Variants in MORC1 observed in about 807,000 individuals in gnomAD.
The protein encoded by MORC1 is MORC family CW-type zinc finger 1, also known as MORC family CW-type zinc finger protein 1.
MORC1 carries 59 observed loss-of-function variants against 134.9 expected under a neutral mutation model. The observed-to-expected ratio is 0.44, with a 90% confidence interval of 0.35 to 0.54. The LOEUF (loss-of-function observed/expected upper bound fraction) is 0.54, where lower values mean the gene tolerates loss of function less well. MORC1 is among the 20% of genes least tolerant of loss of function. The pLI is 0.00. For synonymous variants in MORC1, 395 were observed against 391.7 expected (o/e 1.01, Z -0.10); for missense variants, 947 against 1,134.5 (o/e 0.83, Z 2.37).
intron 2 of MORC1, among the ~76,000 whole-genome samples, chr3:109,111,111 T>C (rs1169961178): frequency 1.4e-5 from 2 of 147,768 alleles, no homozygotes; most frequent in Admixed American, 1.3e-4. Context: ...TCATGGAATG[T>C]TTTTCATATT....
In MORC1 at chr3:109,054,755, C is replaced by G; in HGVS notation, c.1303G>C (p.Val435Leu). The G allele has an allele frequency of 6.3e-7, 1 of 1,590,656 alleles. No individual in the cohort carries two copies. Among genetic ancestry groups the G allele is most frequent in the Non-Finnish European group, 8.5e-7 (1 of 1,174,062 alleles). The change falls in exon 14 of 28, where the codon GTC becomes CTC. Residue 435 changes from valine to leucine, a missense_variant. By Grantham distance (32) the Val-to-Leu change is conservative. Coordinates refer to ENST00000232603, the MANE Select transcript of MORC1 (RefSeq NM_014429.4). ...ATGCCGGTGTCCTTACAGTACTGGA[C>G]CAAGTACTGTCCCATGACTTTTAGT... The part of the protein sequence containing the change: ...HLLKVMGQYL[V>L]QYCKDTGINN...
intron 24 of MORC1, among the ~76,000 whole-genome samples, chr3:108,973,594 G>GTTTTTTTTT (rs1559863612): frequency 8.1e-6 from 1 of 123,396 alleles, no homozygotes. Flanking sequence ...GCTTTGTTTT[G>GTTTTTTTTT]GTTTTTTTTT....
chr3:108,985,370 T>C, intron 22 of MORC1, among the ~76,000 whole-genome samples: 1 of 152,210 alleles, frequency 6.6e-6, no homozygotes, highest in East Asian at 1.9e-4. Context: ...TTGGGGACAG[T>C]ATAAGCAATG....
At chr3:109,015,894 A>C (rs1413843734) in intron 17 of MORC1, among the ~76,000 whole-genome samples, 1 of 152,182 alleles carries the variant, frequency 6.6e-6, no homozygotes, top group Non-Finnish European at 1.5e-5. Context: ...TGGGGACAGA[A>C]GTGATTCCCA....
chr3:108,981,813 A>T (rs952076630), intron 23 of MORC1, among the ~76,000 whole-genome samples: 1 of 152,190 alleles, frequency 6.6e-6, no homozygotes, highest in Admixed American at 6.5e-5. Flanking sequence ...CTAGAAGAAA[A>T]CCTAGGCAAT....
intron 21 of MORC1, among the ~76,000 whole-genome samples, chr3:108,996,973 G>A (rs1036077302): frequency 3.2e-5 from 4 of 126,884 alleles, no homozygotes; most frequent in East Asian, 2.3e-4. Context: ...TCGCGCCACT[G>A]CACTCTAGCC....
At chr3:109,117,331 C>CAAAAAAA (rs202128565) in intron 1 of MORC1, among the ~76,000 whole-genome samples, 29 of 113,462 alleles carry the variant, frequency 2.6e-4, no homozygotes, top group Non-Finnish European at 4.0e-4. Context: ...CAAAAGATGT[C>CAAAAAAA]AAAAAAAAAA....
At chr3:108,987,967 A>G (rs908598655) in intron 21 of MORC1, among the ~76,000 whole-genome samples, 46 of 152,178 alleles carry the variant, frequency 3.0e-4, no homozygotes, top group Non-Finnish European at 6.2e-4. Flanking sequence ...ACTGATACGC[A>G]CGCAACCATG....
intron 9 of MORC1, among the ~76,000 whole-genome samples, chr3:109,067,426 T>C (rs1576703981): frequency 6.6e-6 from 1 of 152,148 alleles, no homozygotes; most frequent in Non-Finnish European, 1.5e-5. Flanking sequence ...TTTGTACACA[T>C]CTTGGGTGGG....
At chr3:109,095,280 G>A (rs948620737) in intron 6 of MORC1, among the ~76,000 whole-genome samples, 1 of 152,120 alleles carries the variant, frequency 6.6e-6, no homozygotes, top group Non-Finnish European at 1.5e-5. Context: ...TGGAATATGG[G>A]AACAGATGGA....
rs768098934 is a variant in MORC1 at position 109,000,662 on chromosome 3, T to C, written c.2086-4A>G. On this transcript the variant is annotated splice_region_variant and splice_polypyrimidine_tract_variant and intron_variant, in intron 20 of 27. Transcript: ENST00000232603. Reference sequence around the variant, plus strand: ...TTTTCATTTCCCAAGAAGCGGCCTATAACAAGGAATTAACAAAAAAAATAC... The same window carrying C: ...TTTTCATTTCCCAAGAAGCGGCCTACAACAAGGAATTAACAAAAAAAATAC... 2.5e-6 allele frequency: 4 copies of C among 1,603,930 alleles called. No homozygotes were observed. The Admixed American group carries it at 6.7e-5, about 27-fold the overall frequency.
At chr3:109,075,581 T>C (rs990042245) in intron 8 of MORC1, among the ~76,000 whole-genome samples, 1 of 152,228 alleles carries the variant, frequency 6.6e-6, no homozygotes, top group Non-Finnish European at 1.5e-5. Flanking sequence ...CCTGTTTTTG[T>C]CAGGTTTGTC....
intron 1 of MORC1, 29 bp from the exon 2 acceptor site, chr3:109,114,466 A>T: frequency 6.3e-7 from 1 of 1,590,884 alleles, no homozygotes; most frequent in Non-Finnish European, 8.6e-7. Flanking sequence ...GAAAACAAAA[A>T]GTTAAACCAG....
intron 12 of MORC1, among the ~76,000 whole-genome samples, chr3:109,058,975 A>C (rs1950021570): frequency 6.6e-6 from 1 of 152,040 alleles, no homozygotes; most frequent in Non-Finnish European, 1.5e-5. Flanking sequence ...ATTTCTAAAG[A>C]CCTTAGAGAG....
chr3:108,982,726 T>TA (rs72358419), intron 23 of MORC1, among the ~76,000 whole-genome samples: 25,926 of 116,746 alleles, frequency 0.22, 2,666 homozygotes, highest in Middle Eastern at 0.32. Flanking sequence ...ACTTAAAGTA[T>TA]AAAAAAAAAA....
chr3:109,058,665 A>T (rs1194036084), intron 12 of MORC1, among the ~76,000 whole-genome samples: 1 of 152,084 alleles, frequency 6.6e-6, no homozygotes. Flanking sequence ...GGTTAAATAT[A>T]TAGGAATCAA....
At chr3:109,050,085 C>T (rs1949785940) in intron 14 of MORC1, among the ~76,000 whole-genome samples, 1 of 152,104 alleles carries the variant, frequency 6.6e-6, no homozygotes, top group Non-Finnish European at 1.5e-5. Context: ...TCAGGAGACC[C>T]AGCTAACCCC....
chr3:109,016,350 C>T (rs181484814), intron 17 of MORC1, among the ~76,000 whole-genome samples: 1 of 152,250 alleles, frequency 6.6e-6, no homozygotes, highest in Non-Finnish European at 1.5e-5. Context: ...CAAATCTTTA[C>T]TGTACCCTCC....
At chr3:109,026,809 ATG>A (rs1237970311) in intron 17 of MORC1, among the ~76,000 whole-genome samples, 2 of 152,174 alleles carry the variant, frequency 1.3e-5, no homozygotes, top group Admixed American at 6.5e-5. Flanking sequence ...GCTTAGGAGA[ATG>A]TGTTTCCAAA....
Sources: gnomAD v4.1 joint callset for allele counts (sites outside exome capture counted in the v4.1 genomes callset) on GRCh38, gnomAD v4.1.1 for gene constraint, MANE v1.5 for transcripts, NCBI Gene and HGNC (gene_info 2026-07-23, HGNC 2026-07-21) for gene names.